The following TASP1 variants were observed in gnomAD, a reference collection of about 807,000 sequenced individuals.
TASP1 encodes the protein threonine aspartase 1.
TASP1 carries 16 observed loss-of-function variants against 56.6 expected under a neutral mutation model. That is an observed-to-expected ratio of 0.28 (90% confidence interval 0.19 to 0.43). TASP1 has a LOEUF of 0.43. Among genes scored for constraint, TASP1 ranks in the 20% least tolerant of loss-of-function variants. The pLI is 1.00. For missense variants in TASP1, 393 were observed against 511.6 expected (o/e 0.77, Z 2.24); for synonymous variants, 179 against 184.2 (o/e 0.97, Z 0.23).
chr20:13,377,014 C>A, the TASP1 span, among the ~76,000 whole-genome samples: 11 of 152,348 alleles, frequency 7.2e-5, no homozygotes, highest in African/African-American at 2.2e-4. Flanking sequence ...ATCATGTCAT[C>A]TGCAAACAGA....
chr20:13,317,380 A>T, the TASP1 span, among the ~76,000 whole-genome samples: 4 of 152,144 alleles, frequency 2.6e-5, 1 homozygote, highest in Middle Eastern at 3.4e-3. Flanking sequence ...CTTGATCTAT[A>T]GATTCAAGGC....
chr20:13,633,727 T>A (rs949803308), intron 1 of TASP1, among the ~76,000 whole-genome samples: 1 of 151,700 alleles, frequency 6.6e-6, no homozygotes, highest in Non-Finnish European at 1.5e-5. Flanking sequence ...AATACATAGA[T>A]CCACAAGAAA....
the TASP1 span, among the ~76,000 whole-genome samples, chr20:13,351,496 G>A: frequency 1.3e-5 from 2 of 152,208 alleles, no homozygotes; most frequent in Non-Finnish European, 2.9e-5. Context: ...AAATCAGACA[G>A]ATCTTAAAGG....
At chr20:13,219,650 C>A in the TASP1 span, among the ~76,000 whole-genome samples, 8 of 151,990 alleles carry the variant, frequency 5.3e-5, no homozygotes, top group Non-Finnish European at 7.4e-5. Flanking sequence ...TAAACAGCTG[C>A]CAATTTATTA....
At chr20:13,108,273 AC>A in the TASP1 span, among the ~76,000 whole-genome samples, 2 of 152,240 alleles carry the variant, frequency 1.3e-5, no homozygotes, top group Admixed American at 1.3e-4. Flanking sequence ...ACACACACAC[AC>A]AAATATATTC....
the TASP1 span, among the ~76,000 whole-genome samples, chr20:13,187,402 C>A: frequency 5.9e-5 from 9 of 151,458 alleles, no homozygotes; most frequent in African/African-American, 1.9e-4. Flanking sequence ...TAAATACAAA[C>A]AACAACAACA....
intron 4 of TASP1, among the ~76,000 whole-genome samples, chr20:13,619,279 G>A (rs753334389): frequency 7.9e-5 from 12 of 152,024 alleles, no homozygotes; most frequent in Non-Finnish European, 1.6e-4. Flanking sequence ...TTTCTCAAAG[G>A]TTACAACAAG....
chr20:13,254,822 TC>T, the TASP1 span, among the ~76,000 whole-genome samples: 1 of 152,196 alleles, frequency 6.6e-6, no homozygotes, highest in Admixed American at 6.5e-5. Context: ...CACACATGGT[TC>T]GAGAGATGTA....
the TASP1 span, among the ~76,000 whole-genome samples, chr20:13,297,196 A>T: frequency 6.6e-6 from 1 of 152,158 alleles, no homozygotes; most frequent in Non-Finnish European, 1.5e-5. Flanking sequence ...CTTTGCAATA[A>T]GCTGTTTTCC....
chr20:13,224,036 T>C, the TASP1 span, among the ~76,000 whole-genome samples: 3 of 152,066 alleles, frequency 2.0e-5, no homozygotes, highest in Non-Finnish European at 4.4e-5. Flanking sequence ...AAAGGGGCTT[T>C]GGCTGAAGAA....
At chr20:13,439,845 G>A (rs1436442578) in intron 11 of TASP1, among the ~76,000 whole-genome samples, 2 of 151,852 alleles carry the variant, frequency 1.3e-5, no homozygotes, top group African/African-American at 4.8e-5. Context: ...TAGAAAGAGA[G>A]ACTAGAAAAA....
At chr20:13,209,511 T>C in the TASP1 span, among the ~76,000 whole-genome samples, 3 of 152,212 alleles carry the variant, frequency 2.0e-5, no homozygotes, top group Non-Finnish European at 4.4e-5. Flanking sequence ...CCTCAGTTAA[T>C]GGAGAAAGAC....
At chr20:13,149,803 A>G in the TASP1 span, among the ~76,000 whole-genome samples, 2 of 152,262 alleles carry the variant, frequency 1.3e-5, no homozygotes, top group Non-Finnish European at 2.9e-5. Flanking sequence ...GGGTTAATCA[A>G]GGAAGTAGGG....
chr20:13,221,981 C>T, the TASP1 span: 7 of 1,263,718 alleles, frequency 5.5e-6, no homozygotes, highest in Non-Finnish European at 7.0e-6. Flanking sequence ...GGGTGCTGAG[C>T]TAGTGCCGGG....
chr20:13,391,981 AAAAG>A (rs1409607618), intron 13 of TASP1, among the ~76,000 whole-genome samples: 1 of 151,582 alleles, frequency 6.6e-6, no homozygotes, highest in Non-Finnish European at 1.5e-5. Flanking sequence ...AAAAAAAAAA[AAAAG>A]AAAGAAAGAA....
chr20:13,620,676 A>G (rs1219908719), intron 4 of TASP1, among the ~76,000 whole-genome samples: 3 of 152,226 alleles, frequency 2.0e-5, no homozygotes, highest in Non-Finnish European at 4.4e-5. Flanking sequence ...TCCAGACATG[A>G]CTTAACTGAA....
At chr20:13,541,636 T>C (rs1414337376) in intron 8 of TASP1, among the ~76,000 whole-genome samples, 1 of 152,188 alleles carries the variant, frequency 6.6e-6, no homozygotes, top group Non-Finnish European at 1.5e-5. Flanking sequence ...ATAGGCTTCA[T>C]GAAGGCAGGA....
the TASP1 span, among the ~76,000 whole-genome samples, chr20:13,145,807 A>G: frequency 6.6e-6 from 1 of 152,232 alleles, no homozygotes; most frequent in Non-Finnish European, 1.5e-5. Flanking sequence ...GACCAATGGA[A>G]CAGAATAGAG....
intron 13 of TASP1, among the ~76,000 whole-genome samples, chr20:13,390,778 C>A (rs897713722): frequency 1.3e-5 from 2 of 152,122 alleles, no homozygotes; most frequent in African/African-American, 4.8e-5. Context: ...AGTTTTAATG[C>A]CAGCTCTATT....
Sources: allele counts gnomAD v4.1 joint callset (sites outside exome capture counted in the v4.1 genomes callset), GRCh38; gene constraint gnomAD v4.1.1; transcripts MANE v1.5; gene names NCBI Gene and HGNC (gene_info 2026-07-23, HGNC 2026-07-21).